The following FGD5 variants were observed in gnomAD, a reference collection of about 807,000 sequenced individuals.
The protein encoded by FGD5 is FYVE, RhoGEF and PH domain containing 5.
Under a neutral mutation model 133.4 loss-of-function variants are expected in FGD5, and 28 were observed. The observed-to-expected ratio is 0.21, with a 90% confidence interval of 0.16 to 0.29. FGD5 has a LOEUF of 0.29. Ranked by LOEUF, FGD5 falls within the 10% of genes least tolerant of loss-of-function variation. FGD5 has a pLI of 1.00. For missense variants in FGD5, 1,858 were observed against 1,895.2 expected, an observed-to-expected ratio of 0.98 and a Z score of 0.36; for synonymous variants, 810 against 776.5, an observed-to-expected ratio of 1.04 and a Z score of -0.72.
chr3:14,811,991 A>G (rs1325464052), intron 1 of FGD5, among the ~76,000 whole-genome samples: 1 of 149,834 alleles, frequency 6.7e-6, no homozygotes, highest in Non-Finnish European at 1.5e-5. Flanking sequence ...TCTTGGAACC[A>G]TATCCTGCTG....
intron 11 of FGD5, among the ~76,000 whole-genome samples, chr3:14,912,472 G>T (rs974280321): frequency 6.6e-6 from 1 of 152,226 alleles, no homozygotes; most frequent in Non-Finnish European, 1.5e-5. Context: ...GCAGTGCGTG[G>T]TTTAGATTTG....
intron 1 of FGD5, among the ~76,000 whole-genome samples, chr3:14,862,266 G>C (rs1392809528): frequency 6.6e-6 from 1 of 152,186 alleles, no homozygotes; most frequent in Non-Finnish European, 1.5e-5. Flanking sequence ...TGAGGTGGCT[G>C]TTTCTCTCAG....
At chr3:14,827,907 C>T (rs920849348) in intron 1 of FGD5, among the ~76,000 whole-genome samples, 3 of 152,156 alleles carry the variant, frequency 2.0e-5, no homozygotes, top group Non-Finnish European at 4.4e-5. Flanking sequence ...GCAGACAGAG[C>T]AGTTAAGGAT....
At position 14,917,467 on chromosome 3, in the gene FGD5, A is replaced by G. The variant is rs2038581990; in HGVS notation, c.3489+135A>G. On this transcript the variant is annotated intron_variant, in intron 12 of 19. Coordinates refer to ENST00000285046, the MANE Select transcript of FGD5 (RefSeq NM_152536.4). The surrounding 1 kb of genome is among the most constrained non-coding windows in gnomAD (Gnocchi z 4.1). Reference sequence around the variant, plus strand: ...CCCTGCGGAAACAGTGTTGGGCTACAGCAAGTTTGTGCTGTAAGTTGCCCA... The same window carrying G: ...CCCTGCGGAAACAGTGTTGGGCTACGGCAAGTTTGTGCTGTAAGTTGCCCA... 1.3e-6 allele frequency: 1 copy of G among 766,250 alleles called. No homozygotes were observed. Among genetic ancestry groups the G allele is most frequent in the East Asian group, 2.7e-5 (1 of 36,444 alleles). 47.5% of individuals were successfully genotyped at this position (766,250 alleles called of 1,614,324 possible). A position where few individuals can be genotyped will look rare whatever the true frequency, so the allele number is the denominator to read the frequency against.
At chr3:14,813,760 GGCTCCTGGCTCCCCATCCAGT>G (rs540504707) in intron 1 of FGD5, among the ~76,000 whole-genome samples, 1,773 of 152,158 alleles carry the variant, frequency 0.012, 32 homozygotes, top group African/African-American at 0.039. Context: ...TGAAGATCAG[GGCTCCTGGCTCCCCATCCAGT>G]GCTCCTGGCT....
At chr3:14,911,638 C>A (rs941518963) in intron 11 of FGD5, among the ~76,000 whole-genome samples, 1 of 151,824 alleles carries the variant, frequency 6.6e-6, no homozygotes, top group African/African-American at 2.4e-5. Context: ...CTGTTCCAGG[C>A]GTTGACTGAG....
At chr3:14,862,668 A>G (rs772141834) in intron 1 of FGD5, among the ~76,000 whole-genome samples, 1 of 152,174 alleles carries the variant, frequency 6.6e-6, no homozygotes, top group South Asian at 2.1e-4. Context: ...GAAAAGGAAG[A>G]AGAAAGAGGT....
At chr3:14,870,961 C>T (rs1034318262) in intron 2 of FGD5, among the ~76,000 whole-genome samples, 2 of 152,204 alleles carry the variant, frequency 1.3e-5, no homozygotes, top group Non-Finnish European at 2.9e-5. Flanking sequence ...CCCAGTTCTT[C>T]GACCAGACAT....
At chr3:14,885,370 G>A (rs1575231808) in intron 4 of FGD5, among the ~76,000 whole-genome samples, 1 of 152,014 alleles carries the variant, frequency 6.6e-6, no homozygotes, top group South Asian at 2.1e-4. Flanking sequence ...TAGATGTCGC[G>A]GTAGATAACC....
intron 1 of FGD5, among the ~76,000 whole-genome samples, chr3:14,822,025 G>A (rs962420558): frequency 2.6e-5 from 4 of 151,936 alleles, no homozygotes; most frequent in East Asian, 1.9e-4. Flanking sequence ...GCTTGAACTC[G>A]GGAGGCGGAG....
In FGD5 at chr3:14,933,321, C is replaced by T; in HGVS notation, c.*154C>T. 1 of 742,768 alleles carries T rather than the reference C, an allele frequency of 1.3e-6. No individual in the cohort carries two copies. The highest frequency in any genetic ancestry group is 1.6e-5 in the South Asian group (1 of 63,526). 46.0% of individuals were successfully genotyped at this position (742,768 alleles called of 1,614,324 possible). A position where few individuals can be genotyped will look rare whatever the true frequency, so the allele number is the denominator to read the frequency against. ...TATAACCGCCCCACCACTCCCCTGC[C>T]CTTGCCAACATCTTCATGAATGGAA... On this transcript the variant is annotated 3_prime_UTR_variant, in exon 20 of 20. Coordinates refer to ENST00000285046, the MANE Select transcript of FGD5 (RefSeq NM_152536.4).
chr3:14,887,798 G>T (rs11921584), intron 4 of FGD5, among the ~76,000 whole-genome samples: 3 of 151,840 alleles, frequency 2.0e-5, no homozygotes, highest in African/African-American at 7.3e-5. Context: ...TGAATAGCCA[G>T]GTGGGGGTGC....
chr3:14,916,704 A>C (rs756027020), intron 11 of FGD5, among the ~76,000 whole-genome samples: 1 of 152,052 alleles, frequency 6.6e-6, no homozygotes, highest in Non-Finnish European at 1.5e-5. Context: ...TTTGGAGTTC[A>C]TTTCTCCCAA....
At chr3:14,929,816 T>TAATG (rs766858224) in intron 18 of FGD5, among the ~76,000 whole-genome samples, 24 of 152,374 alleles carry the variant, frequency 1.6e-4, no homozygotes, top group Admixed American at 5.2e-4. Context: ...GTTCATTTTC[T>TAATG]AATGAATGAA....
chr3:14,874,818 A>C (rs2037684523), intron 2 of FGD5, among the ~76,000 whole-genome samples: 1 of 152,232 alleles, frequency 6.6e-6, no homozygotes, highest in Admixed American at 6.5e-5. Flanking sequence ...TAGCTGGGCC[A>C]AACCCACAGT....
chr3:14,887,313 A>G (rs1344055460), intron 4 of FGD5, among the ~76,000 whole-genome samples: 2 of 152,132 alleles, frequency 1.3e-5, no homozygotes, highest in Admixed American at 1.3e-4. Context: ...GCTGATGCTC[A>G]GTATGTATCC....
Position 14,897,619 on chromosome 3 carries a change from C to T in FGD5, c.2859C>T (p.His953=), listed in dbSNP as rs137983126. The T allele has an allele frequency of 2.8e-4, 448 of 1,606,652 alleles. 4 individuals are homozygous for T. The African/African-American group carries it at 5.1e-3, about 18-fold the overall frequency. ...RQGLSELPAI[H]DLHQGILEEL... ...GCCTGAGTGAACTCCCAGCCATCCA[C>T]GACCTTCATCAAGGCATCCTGGAGG... Residue 953 remains histidine, a synonymous_variant, in exon 5 of 20, where the codon CAC becomes CAT. Coordinates refer to ENST00000285046, the MANE Select transcript of FGD5 (RefSeq NM_152536.4).
intron 1 of FGD5, among the ~76,000 whole-genome samples, chr3:14,851,326 A>G (rs2037159736): frequency 6.6e-6 from 1 of 152,220 alleles, no homozygotes. Context: ...TAGATGAGGA[A>G]ACTGAGGCAG....
At chr3:14,854,541 A>G (rs1279378523) in intron 1 of FGD5, among the ~76,000 whole-genome samples, 1 of 151,796 alleles carries the variant, frequency 6.6e-6, no homozygotes, top group Non-Finnish European at 1.5e-5. Context: ...CTAGCCTCCC[A>G]AGTAGCTAGG....
Sources: allele counts gnomAD v4.1 joint callset (sites outside exome capture counted in the v4.1 genomes callset), GRCh38; gene constraint gnomAD v4.1.1; non-coding constraint Gnocchi (gnomAD v3.1); transcripts MANE v1.5; gene names NCBI Gene and HGNC (gene_info 2026-07-23, HGNC 2026-07-21).